The following GRM1 variants were observed in gnomAD, a reference collection of about 807,000 sequenced individuals.
GRM1 encodes glutamate metabotropic receptor 1.
GRM1 carries 33 observed loss-of-function variants against 90.9 expected under a neutral mutation model. The observed-to-expected ratio is 0.36, with a 90% CI of 0.28 to 0.49. The LOEUF (loss-of-function observed/expected upper bound fraction) is 0.49, where lower values mean the gene tolerates loss of function less well. Among genes scored for constraint, GRM1 ranks in the 20% least tolerant of loss-of-function variants. The pLI is 0.99. For synonymous variants in GRM1, 700 were observed against 613.2 expected (o/e 1.14, Z -2.09); for missense variants, 1,190 against 1,534.3 (o/e 0.78, Z 3.75).
At chr6:146,345,947 T>C (rs1785173720) in intron 3 of GRM1, among the ~76,000 whole-genome samples, 1 of 152,218 alleles carries the variant, frequency 6.6e-6, no homozygotes, top group Non-Finnish European at 1.5e-5. Flanking sequence ...AGTGGTTTAT[T>C]ACTCCACAAC....
At chr6:146,087,539 G>A (rs996228143) in intron 1 of GRM1, among the ~76,000 whole-genome samples, 21 of 152,062 alleles carry the variant, frequency 1.4e-4, no homozygotes, top group African/African-American at 4.3e-4. Context: ...AATGCAGACT[G>A]CTCCACCATC....
chr6:146,396,689 T>C (rs1200731788), intron 6 of GRM1, among the ~76,000 whole-genome samples: 2 of 152,126 alleles, frequency 1.3e-5, no homozygotes, highest in Non-Finnish European at 2.9e-5. Flanking sequence ...TGTGTATGTA[T>C]GTAAATAACA....
At chr6:146,216,756 C>T (rs1215015530) in intron 2 of GRM1, among the ~76,000 whole-genome samples, 1 of 152,164 alleles carries the variant, frequency 6.6e-6, no homozygotes, top group African/African-American at 2.4e-5. Flanking sequence ...ACGCTGAAGT[C>T]AAGTTATCAC....
At chr6:146,083,954 A>C (rs35765437) in intron 1 of GRM1, among the ~76,000 whole-genome samples, 13,535 of 152,164 alleles carry the variant, frequency 0.089, 795 homozygotes, top group South Asian at 0.14. Flanking sequence ...TTCTTGGTTT[A>C]GTCTTGGGAG....
upstream of GRM1, among the ~76,000 whole-genome samples, chr6:146,028,981 G>T (rs1463188562): frequency 6.6e-6 from 1 of 152,182 alleles, no homozygotes; most frequent in Non-Finnish European, 1.5e-5. Context: ...GGGCGAGTTG[G>T]CGGGGCTCTG....
chr6:146,060,716 C>G (rs993094830), intron 1 of GRM1, among the ~76,000 whole-genome samples: 1 of 152,030 alleles, frequency 6.6e-6, no homozygotes, highest in African/African-American at 2.4e-5. Context: ...AACATATGCA[C>G]ATGGGTGTCT....
At chr6:146,418,424 TTGGGAAGCACAAGGAAGCTAATA>T (rs1777863346) in intron 7 of GRM1, among the ~76,000 whole-genome samples, 1 of 151,774 alleles carries the variant, frequency 6.6e-6, no homozygotes, top group African/African-American at 2.4e-5. Context: ...TTGGAATATA[TTGGGAAGCACAAGGAAGCTAATA>T]TTAATTACTT....
intron 2 of GRM1, among the ~76,000 whole-genome samples, chr6:146,166,717 C>T (rs1777920544): frequency 6.6e-6 from 1 of 152,032 alleles, no homozygotes. Flanking sequence ...TGCCTGGGGC[C>T]TACCAATGAA....
At chr6:146,089,945 C>A (rs1436041882) in intron 1 of GRM1, among the ~76,000 whole-genome samples, 1 of 151,958 alleles carries the variant, frequency 6.6e-6, no homozygotes, top group Non-Finnish European at 1.5e-5. Context: ...AAAACTCTGC[C>A]AATGTTTCTC....
intron 2 of GRM1, among the ~76,000 whole-genome samples, chr6:146,189,933 A>T (rs190216171): frequency 4.6e-5 from 7 of 152,336 alleles, no homozygotes; most frequent in Admixed American, 1.3e-4. Flanking sequence ...GTCAAAGGGA[A>T]ATTTAAAACC....
At chr6:146,428,534 G>C (rs911301817) in intron 7 of GRM1, among the ~76,000 whole-genome samples, 2 of 152,118 alleles carry the variant, frequency 1.3e-5, no homozygotes, top group African/African-American at 4.8e-5. Flanking sequence ...GAGAACTCCA[G>C]GTAGAGCTGA....
intron 2 of GRM1, among the ~76,000 whole-genome samples, chr6:146,263,587 A>G (rs578252044): frequency 1.3e-5 from 2 of 152,156 alleles, no homozygotes; most frequent in East Asian, 3.9e-4. Context: ...TTAGATCCTT[A>G]TCTCGTACAC....
At chr6:146,279,868 G>A (rs576442063) in intron 2 of GRM1, among the ~76,000 whole-genome samples, 25 of 151,962 alleles carry the variant, frequency 1.6e-4, no homozygotes, top group Admixed American at 2.0e-4. Flanking sequence ...TGACAAGGGC[G>A]TGATAATTCT....
At chr6:146,396,395 G>T (rs996931957) in intron 6 of GRM1, among the ~76,000 whole-genome samples, 2 of 152,122 alleles carry the variant, frequency 1.3e-5, no homozygotes, top group African/African-American at 2.4e-5. Flanking sequence ...TGACAACACG[G>T]GAAGTATTCT....
At position 146,328,109 on chromosome 6, in the gene GRM1, G is replaced by A. The variant is rs540651920; in HGVS notation, c.1186+23263G>A. On this transcript the variant is annotated intron_variant, in intron 3 of 7. Transcript: ENST00000282753. The stretch of plus-strand genomic sequence containing the variant: ...TTAGCCACATCTGTCTATAGTGCAC[G>A]GTTGCCAAAAGTTTGAAGCTACCTT... Among the ~76,000 whole-genome samples, 294 of 152,218 alleles carry A rather than the reference G, an allele frequency of 1.9e-3. 2 individuals are homozygous for A. Among genetic ancestry groups the A allele is most frequent in the African/African-American group, 6.5e-3 (270 of 41,540 alleles).
intron 3 of GRM1, among the ~76,000 whole-genome samples, chr6:146,335,647 A>C (rs1214790560): frequency 1.3e-5 from 2 of 152,198 alleles, no homozygotes; most frequent in Non-Finnish European, 2.9e-5. Context: ...TTTAAAGTTC[A>C]AGACACTTTC....
At chr6:146,312,367 A>G (rs1783806065) in intron 3 of GRM1, among the ~76,000 whole-genome samples, 1 of 150,762 alleles carries the variant, frequency 6.6e-6, no homozygotes, top group Middle Eastern at 3.4e-3. Flanking sequence ...AAAAAAAAAA[A>G]AAAAAAAAAA....
chr6:146,117,163 T>A (rs896777133), intron 1 of GRM1, among the ~76,000 whole-genome samples: 49 of 151,432 alleles, frequency 3.2e-4, no homozygotes, highest in African/African-American at 1.1e-3. Context: ...TATTTATTTT[T>A]TTTTTAGTTT....
At chr6:146,344,807 C>CT (rs1298565370) in intron 3 of GRM1, among the ~76,000 whole-genome samples, 7 of 142,418 alleles carry the variant, frequency 4.9e-5, no homozygotes, top group South Asian at 2.3e-4. Context: ...TTTTTCTTTT[C>CT]TTTTTTTTCT....
Sources: gnomAD v4.1 joint callset for allele counts (sites outside exome capture counted in the v4.1 genomes callset) on GRCh38, gnomAD v4.1.1 for gene constraint, MANE v1.5 for transcripts, NCBI Gene and HGNC (gene_info 2026-07-23, HGNC 2026-07-21) for gene names.